The following PRKG1 variants were observed in gnomAD, a reference collection of about 807,000 sequenced individuals.
PRKG1 encodes the protein protein kinase cGMP-dependent 1, also known as cGMP-dependent protein kinase 1.
PRKG1 carries 35 observed loss-of-function variants against 88.1 expected under a neutral mutation model. The observed-to-expected ratio is 0.40, with a 90% CI of 0.30 to 0.53. PRKG1 has a LOEUF of 0.53. PRKG1 is among the 20% of genes least tolerant of loss of function. The probability of loss-of-function intolerance (pLI) is 0.59; values close to 1 mark genes in which losing one functional copy is unlikely to be tolerated. For synonymous variants in PRKG1, 303 were observed against 292.5 expected, an observed-to-expected ratio of 1.04 and a Z score of -0.37; for missense variants, 540 against 839.8, an observed-to-expected ratio of 0.64 and a Z score of 4.41.
At chr10:51,438,452 G>A (rs182507349) in intron 2 of PRKG1, among the ~76,000 whole-genome samples, 2 of 151,970 alleles carry the variant, frequency 1.3e-5, no homozygotes, top group African/African-American at 4.8e-5. Context: ...TCTTAGGTAT[G>A]ACAGTTTCTC....
At chr10:51,563,548 G>A (rs1206418229) in intron 3 of PRKG1, among the ~76,000 whole-genome samples, 1 of 151,912 alleles carries the variant, frequency 6.6e-6, no homozygotes, top group African/African-American at 2.4e-5. Flanking sequence ...TCAGCCTAAA[G>A]AAACACAGTA....
At chr10:51,520,728 C>T (rs968309025) in intron 3 of PRKG1, among the ~76,000 whole-genome samples, 5 of 152,120 alleles carry the variant, frequency 3.3e-5, no homozygotes, top group African/African-American at 9.6e-5. Flanking sequence ...ATGATTTTTG[C>T]ATATTGACCT....
At chr10:51,948,266 G>A (rs914055419) in intron 5 of PRKG1, among the ~76,000 whole-genome samples, 4 of 152,080 alleles carry the variant, frequency 2.6e-5, no homozygotes, top group African/African-American at 4.8e-5. Context: ...TGACTTTGAA[G>A]ATACGAAAGT....
intron 4 of PRKG1, among the ~76,000 whole-genome samples, chr10:51,845,253 C>T (rs1483448746): frequency 6.6e-6 from 1 of 152,148 alleles, no homozygotes; most frequent in African/African-American, 2.4e-5. Flanking sequence ...CCTCTTCTTG[C>T]TGTCTTTCCA....
chr10:52,105,883 T>C (rs965836279), intron 7 of PRKG1, among the ~76,000 whole-genome samples: 3 of 152,098 alleles, frequency 2.0e-5, no homozygotes, highest in Non-Finnish European at 4.4e-5. Context: ...GATACGTTCT[T>C]TAGTGGTGAT....
chr10:51,143,009 A>G (rs979557012), intron 1 of PRKG1, among the ~76,000 whole-genome samples: 3 of 152,122 alleles, frequency 2.0e-5, no homozygotes, highest in African/African-American at 7.2e-5. Flanking sequence ...TTGTCCTTAC[A>G]TGTTTCAAGA....
At chr10:52,072,307 T>C (rs1014292643) in intron 7 of PRKG1, among the ~76,000 whole-genome samples, 1 of 152,062 alleles carries the variant, frequency 6.6e-6, no homozygotes, top group Admixed American at 6.6e-5. Flanking sequence ...TTTTTATTTC[T>C]GTTGTTCTGG....
At chr10:51,788,140 G>A (rs1838775437) in intron 3 of PRKG1, among the ~76,000 whole-genome samples, 1 of 152,168 alleles carries the variant, frequency 6.6e-6, no homozygotes, top group East Asian at 1.9e-4. Context: ...AAGTCATTCA[G>A]ATTTTTTTCC....
intron 9 of PRKG1, among the ~76,000 whole-genome samples, chr10:52,167,341 CA>C (rs1564498879): frequency 6.6e-6 from 1 of 152,076 alleles, no homozygotes; most frequent in Non-Finnish European, 1.5e-5. Context: ...CCAAGCCATT[CA>C]AAAGAGATCC....
At chr10:52,024,636 A>G (rs1338238668) in intron 5 of PRKG1, among the ~76,000 whole-genome samples, 1 of 152,152 alleles carries the variant, frequency 6.6e-6, no homozygotes, top group East Asian at 1.9e-4. Context: ...AGCTTCATCC[A>G]TGTCCCTACA....
chr10:51,402,400 A>G (rs1837774629), intron 2 of PRKG1, among the ~76,000 whole-genome samples: 1 of 152,214 alleles, frequency 6.6e-6, no homozygotes, highest in African/African-American at 2.4e-5. Context: ...TCTGTGGGAA[A>G]CATGAAAAAG....
chr10:51,331,262 T>A (rs1435522291), intron 2 of PRKG1, among the ~76,000 whole-genome samples: 1 of 151,990 alleles, frequency 6.6e-6, no homozygotes, highest in African/African-American at 2.4e-5. Flanking sequence ...CGGCCAGGAC[T>A]GCCTGCTGCT....
intron 3 of PRKG1, among the ~76,000 whole-genome samples, chr10:51,619,282 A>G (rs1181471007): frequency 2.0e-5 from 3 of 152,210 alleles, no homozygotes; most frequent in Non-Finnish European, 2.9e-5. Flanking sequence ...AAGTAAATGT[A>G]TAGAGAAAAG....
At chr10:51,510,960 G>A (rs1841383680) in intron 3 of PRKG1, among the ~76,000 whole-genome samples, 1 of 150,072 alleles carries the variant, frequency 6.7e-6, no homozygotes, top group Non-Finnish European at 1.5e-5. Flanking sequence ...TACTATGCTG[G>A]CCAGGCTGGT....
intron 3 of PRKG1, among the ~76,000 whole-genome samples, chr10:51,534,965 G>C (rs1842110645): frequency 6.6e-6 from 1 of 152,020 alleles, no homozygotes; most frequent in African/African-American, 2.4e-5. Context: ...AGCAAAAAAA[G>C]TAGTTATCTG....
intron 1 of PRKG1, among the ~76,000 whole-genome samples, chr10:51,121,677 C>T (rs969853782): frequency 3.3e-5 from 5 of 151,980 alleles, no homozygotes; most frequent in Non-Finnish European, 1.5e-5. Flanking sequence ...AAGTGACAAC[C>T]GTAAGAACAC....
chr10:51,297,614 G>A (rs1265642092), intron 2 of PRKG1, among the ~76,000 whole-genome samples: 1 of 152,066 alleles, frequency 6.6e-6, no homozygotes, highest in African/African-American at 2.4e-5. Flanking sequence ...AAGCTTGTAG[G>A]TGACTCATGT....
chr10:51,048,627 A>G (rs1165389880), intron 1 of PRKG1, among the ~76,000 whole-genome samples: 3 of 152,190 alleles, frequency 2.0e-5, no homozygotes, highest in East Asian at 1.9e-4. Flanking sequence ...CTTTCCTTAC[A>G]TTAGCTGGGA....
chr10:52,068,941 A>AG (rs142050058), intron 7 of PRKG1, among the ~76,000 whole-genome samples: 26,030 of 151,756 alleles, frequency 0.17, 2,877 homozygotes, highest in South Asian at 0.28. Context: ...TGCAGCCCTG[A>AG]GTTACCTGTT....
Sources: allele counts gnomAD v4.1 joint callset (sites outside exome capture counted in the v4.1 genomes callset), GRCh38; gene constraint gnomAD v4.1.1; transcripts MANE v1.5; gene names NCBI Gene and HGNC (gene_info 2026-07-23, HGNC 2026-07-21).